GOLGA4: variants seen among roughly 807,000 people sequenced by gnomAD.
GOLGA4 encodes the protein golgin A4, also known as golgin subfamily A member 4.
Under a neutral mutation model 265.9 loss-of-function variants are expected in GOLGA4, and 169 were observed. The observed-to-expected ratio is 0.64, with a 90% CI of 0.56 to 0.72. The LOEUF (loss-of-function observed/expected upper bound fraction) is 0.72, where lower values mean the gene tolerates loss of function less well. GOLGA4 is among the 30% of genes least tolerant of loss of function. The pLI is 0.00. For missense variants in GOLGA4, 2,482 were observed against 2,483.4 expected, an observed-to-expected ratio of 1.00 and a Z score of 0.01; for synonymous variants, 923 against 855.8, an observed-to-expected ratio of 1.08 and a Z score of -1.37.
chr3:37,254,905 A>T (rs1431608282), intron 2 of GOLGA4, among the ~76,000 whole-genome samples: 4 of 148,098 alleles, frequency 2.7e-5, no homozygotes, highest in Non-Finnish European at 4.5e-5. Context: ...TAGCTTATAT[A>T]TTATATATAT....
At chr3:37,321,551 C>A (rs573485482) in intron 12 of GOLGA4, 180 bp from the exon 13 acceptor site, 23 of 553,134 alleles carry the variant, frequency 4.2e-5, no homozygotes, top group Middle Eastern at 5.1e-4. Flanking sequence ...AATTACCCCA[C>A]TGGAAAAGCC....
At chr3:37,341,077 G>T (rs1303070611) in intron 20 of GOLGA4, among the ~76,000 whole-genome samples, 3 of 152,122 alleles carry the variant, frequency 2.0e-5, no homozygotes, top group Middle Eastern at 3.2e-3. Flanking sequence ...TGAGGCAGGG[G>T]AATCTCTTGA....
chr3:37,345,724 G>T (rs572184518), intron 20 of GOLGA4, among the ~76,000 whole-genome samples: 1 of 152,120 alleles, frequency 6.6e-6, no homozygotes, highest in Non-Finnish European at 1.5e-5. Context: ...CAAGGCAGGC[G>T]AATCATGAGG....
rs1311981084 is a variant in GOLGA4, at chr3:37,324,568, T to C, written c.2682T>C (p.Asp894=). Residue 894 remains aspartate, a synonymous_variant, in exon 14 of 24, where the codon GAT becomes GAC. Transcript: ENST00000361924. ...AAGTCTATGAGTCCAAACTTGAAGA[T>C]GGTAACAAAGAACAGGAACAGACAA... ...LTQVYESKLE[D]GNKEQEQTKQ... is the part of the protein sequence containing the mutation. The C allele has an allele frequency of 1.2e-6, 2 of 1,613,576 alleles. No individual in the cohort carries two copies. Among genetic ancestry groups the C allele is most frequent in the African/African-American group, 2.7e-5 (2 of 74,802 alleles).
intron 5 of GOLGA4, among the ~76,000 whole-genome samples, 198 bp downstream of exon 5, chr3:37,289,489 A>T (rs1218340393): frequency 6.6e-6 from 1 of 152,240 alleles, no homozygotes; most frequent in African/African-American, 2.4e-5. Flanking sequence ...GGAATTAATG[A>T]AATGAGGTGT....
At chr3:37,334,623 T>C (rs1439792462) in intron 16 of GOLGA4, among the ~76,000 whole-genome samples, 1 of 152,178 alleles carries the variant, frequency 6.6e-6, no homozygotes, top group Admixed American at 6.5e-5. Flanking sequence ...TTTCTAGAAA[T>C]CAAATTCCAA....
chr3:37,344,216 T>C (rs1409068975), intron 20 of GOLGA4, among the ~76,000 whole-genome samples: 3 of 152,186 alleles, frequency 2.0e-5, no homozygotes, highest in Non-Finnish European at 2.9e-5. Flanking sequence ...ATTGTCATGT[T>C]TCAGCCTCTA....
intron 11 of GOLGA4, among the ~76,000 whole-genome samples, chr3:37,316,822 G>A (rs1209923106): frequency 1.3e-5 from 2 of 151,406 alleles, no homozygotes; most frequent in African/African-American, 4.9e-5. Context: ...TTTCCTTATA[G>A]ATGGATTTAT....
chr3:37,277,487 AT>A (rs1190618322), intron 2 of GOLGA4, among the ~76,000 whole-genome samples: 1 of 152,220 alleles, frequency 6.6e-6, no homozygotes, highest in East Asian at 1.9e-4. Context: ...TCATGACTAG[AT>A]TTTGATTCGG....
chr3:37,265,292 G>C (rs948939099), intron 2 of GOLGA4, among the ~76,000 whole-genome samples: 3 of 152,146 alleles, frequency 2.0e-5, no homozygotes, highest in Non-Finnish European at 2.9e-5. Flanking sequence ...GAAAACTAAA[G>C]CACAGAAGAT....
At chr3:37,260,679 G>C (rs1472383073) in intron 2 of GOLGA4, among the ~76,000 whole-genome samples, 4 of 151,782 alleles carry the variant, frequency 2.6e-5, no homozygotes, top group Admixed American at 2.6e-4. Context: ...CTTTGAGGCA[G>C]AGGGATTTAC....
chr3:37,296,365 G>C, intron 7 of GOLGA4, 146 bp downstream of exon 7: 1 of 694,838 alleles, frequency 1.4e-6, no homozygotes, highest in Non-Finnish European at 2.4e-6. Context: ...GGGCAACATA[G>C]AGAAAACCCT....
chr3:37,323,632 AAAC>A lies in GOLGA4; in HGVS notation c.1749_1751del (p.Asn583del), dbSNP rs776781849. The A allele has an allele frequency of 2.5e-5, 39 of 1,579,972 alleles. No homozygotes were observed. Among genetic ancestry groups the A allele is most frequent in the Non-Finnish European group, 3.1e-5 (36 of 1,169,246 alleles). On this transcript the variant is annotated inframe_deletion, in exon 14 of 24. Coordinates refer to ENST00000361924, the MANE Select transcript of GOLGA4 (RefSeq NM_002078.5). ...GTTCTTTGGAAAAAAGCTTACAAGA[AAAC>A]AAAAATCAGTCAAAAGATTTGGCTG...
intron 9 of GOLGA4, among the ~76,000 whole-genome samples, chr3:37,301,069 C>A (rs114488585): frequency 0.038 from 5,836 of 152,250 alleles, 141 homozygotes; most frequent in African/African-American, 0.056. Context: ...TTAATATTAG[C>A]CATCTGGAAG....
At position 37,243,272 on chromosome 3, in the gene GOLGA4, G is replaced by C. The variant is rs2271549; in HGVS notation, c.-279G>C. ...GCCGCGCAAGCGCCCTTGGCGCACA[G>C]TTCACCTGCTGCCGTTGTCGTCGCC... On this transcript the variant is annotated 5_prime_UTR_variant, in exon 1 of 24. Coordinates refer to ENST00000361924, the MANE Select transcript of GOLGA4 (RefSeq NM_002078.5). 0.018 allele frequency: 9,500 copies of C among 517,836 alleles called. 142 individuals are homozygous for C. The highest frequency in any genetic ancestry group is 0.036 in the East Asian group (1,008 of 28,086). 32.1% of individuals were successfully genotyped at this position (517,836 alleles called of 1,614,324 possible).
chr3:37,334,989 GTGTT>G, intron 16 of GOLGA4, 60 bp from the exon 17 acceptor site: 2 of 968,472 alleles, frequency 2.1e-6, no homozygotes, highest in East Asian at 2.6e-5. Context: ...CTTTTTTGAT[GTGTT>G]TGTTTACTAA....
At chr3:37,258,179 T>C (rs1174031609) in intron 2 of GOLGA4, among the ~76,000 whole-genome samples, 1 of 145,494 alleles carries the variant, frequency 6.9e-6, no homozygotes, top group Non-Finnish European at 1.5e-5. Context: ...ATATAGCATA[T>C]ATATGCTCTG....
Position 37,292,683 on chromosome 3 carries a change from C to CA in GOLGA4, c.583-2284dup, listed in dbSNP as rs747878292. 1.9e-3 allele frequency among the ~76,000 whole-genome samples: 217 copies of CA among 112,896 alleles called. 1 individual carries two copies. Among genetic ancestry groups the CA allele is most frequent in the East Asian group, 0.014 (66 of 4,586 alleles). 74.1% of individuals were successfully genotyped at this position (112,896 alleles called of 152,430 possible). ...GCCTGGTGACAGCGAGACTCCGTCT[C>CA]AAAAAAAAAAAAGGTTTTAGTACCA... On this transcript the variant is annotated intron_variant, in intron 5 of 23. Transcript: ENST00000361924.
chr3:37,299,308 G>A lies in GOLGA4; in HGVS notation c.1023G>A (p.Lys341=), dbSNP rs1437384835. 6.2e-7 allele frequency: 1 copy of A among 1,612,374 alleles called. No individual in the cohort carries two copies. Among genetic ancestry groups the A allele is most frequent in the African/African-American group, 1.3e-5 (1 of 75,000 alleles). Residue 341 remains lysine, a synonymous_variant, in exon 9 of 24, where the codon AAG becomes AAA. Coordinates refer to ENST00000361924, the MANE Select transcript of GOLGA4 (RefSeq NM_002078.5). ...EKIKDLHMAE[K]TKLITQLRDA... is the part of the protein sequence containing the mutation. ...TTTAGGACCTTCATATGGCCGAGAA[G>A]ACTAAACTTATCACTCAGTTGCGTG...
Sources: allele counts gnomAD v4.1 joint callset (sites outside exome capture counted in the v4.1 genomes callset), GRCh38; gene constraint gnomAD v4.1.1; transcripts MANE v1.5; gene names NCBI Gene and HGNC (gene_info 2026-07-23, HGNC 2026-07-21).